Variants in UNC13C observed in about 807,000 individuals in gnomAD.
UNC13C encodes protein unc-13 homolog C.
Under a neutral mutation model 245.4 loss-of-function variants are expected in UNC13C, and 174 were observed. That is an observed-to-expected ratio of 0.71 (90% CI 0.63 to 0.80). The LOEUF is 0.80. Among genes scored for constraint, UNC13C ranks in the 30% least tolerant of loss-of-function variants. The probability of loss-of-function intolerance (pLI) is 0.00; values close to 1 mark genes in which losing one functional copy is unlikely to be tolerated. For synonymous variants in UNC13C, 992 were observed against 895.1 expected, an observed-to-expected ratio of 1.11 and a Z score of -1.93; for missense variants, 2,829 against 2,602.9, an observed-to-expected ratio of 1.09 and a Z score of -1.89.
At chr15:54,172,758 A>ATC (rs2033464551) in intron 4 of UNC13C, among the ~76,000 whole-genome samples, 2 of 98,080 alleles carry the variant, frequency 2.0e-5, no homozygotes, top group African/African-American at 4.6e-5. Context: ...ATATATATAT[A>ATC]TATCTTTACT....
chr15:54,537,734 A>C (rs1346720650), intron 26 of UNC13C, among the ~76,000 whole-genome samples: 2 of 151,574 alleles, frequency 1.3e-5, no homozygotes, highest in Non-Finnish European at 1.5e-5. Flanking sequence ...GCAGGAAGGG[A>C]AAGAACTTCC....
intron 18 of UNC13C, among the ~76,000 whole-genome samples, chr15:54,394,506 A>G (rs1417510579): frequency 6.6e-6 from 1 of 151,780 alleles, no homozygotes; most frequent in Non-Finnish European, 1.5e-5. Context: ...CAGGTCTCTG[A>G]CAGCTTTGTA....
chr15:54,268,665 G>A (rs549884807), intron 10 of UNC13C, among the ~76,000 whole-genome samples: 90 of 152,118 alleles, frequency 5.9e-4, no homozygotes, highest in Non-Finnish European at 9.9e-4. Context: ...CTCAATTTCA[G>A]GCTAATTATT....
At chr15:54,260,782 CTTCT>C (rs1258462601) in intron 8 of UNC13C, among the ~76,000 whole-genome samples, 4 of 148,420 alleles carry the variant, frequency 2.7e-5, no homozygotes, top group African/African-American at 9.8e-5. Flanking sequence ...AATATTCTTC[CTTCT>C]ATTTTTAGAT....
At chr15:54,428,991 T>C (rs2040813481) in intron 19 of UNC13C, among the ~76,000 whole-genome samples, 1 of 151,752 alleles carries the variant, frequency 6.6e-6, no homozygotes, top group East Asian at 1.9e-4. Context: ...TATTGTATAA[T>C]TCCTTAAAGT....
rs139256359 is a variant in UNC13C, at chr15:54,628,412, T to TAA, written c.*1300_*1301dup. 6.6e-6 allele frequency: 1 copy of TAA among 151,794 alleles called. No individual in the cohort carries two copies. The highest frequency in any genetic ancestry group is 2.4e-5 in the African/African-American group (1 of 41,372). 9.4% of individuals were successfully genotyped at this position (151,794 alleles called of 1,614,324 possible). A position where few individuals can be genotyped will look rare whatever the true frequency, so the allele number is the denominator to read the frequency against. On this transcript the variant is annotated 3_prime_UTR_variant, in exon 33 of 33. Transcript: ENST00000260323. ...TTGTGAACAAGCTGATCTAATACGT[T>TAA]AAGTACAGAAGTGCTTAGTATCATG...
the UNC13C span, among the ~76,000 whole-genome samples, chr15:53,901,220 T>C: frequency 9.4e-5 from 1 of 10,626 alleles, no homozygotes; most frequent in East Asian, 0.01. Context: ...ATAGATTTCT[T>C]TTTTTTTTTT....
chr15:54,409,080 A>G (rs150356811), intron 18 of UNC13C, among the ~76,000 whole-genome samples: 6 of 152,272 alleles, frequency 3.9e-5, no homozygotes, highest in Admixed American at 1.3e-4. Context: ...TGAGAAAATC[A>G]ACTTCAACAA....
In UNC13C at chr15:53,983,727, G is replaced by A. The variant is rs188156616; in HGVS notation, c.-257+4800G>A. ...ATACTCTCTTTCTACTTTTTGTCTC[G>A]GTGACCTGAATTTCTTCAGTAGCCT... On this transcript the variant is annotated intron_variant, in intron 1 of 32. Coordinates refer to ENST00000260323, the MANE Select transcript of UNC13C (RefSeq NM_001080534.3). Among the ~76,000 whole-genome samples the A allele has an allele frequency of 5.3e-5, 8 of 151,594 alleles. 1 individual carries two copies. The highest frequency in any genetic ancestry group is 2.0e-4 in the Admixed American group (3 of 15,206).
At chr15:54,205,676 C>T (rs1404874951) in intron 4 of UNC13C, among the ~76,000 whole-genome samples, 6 of 152,002 alleles carry the variant, frequency 3.9e-5, no homozygotes, top group Middle Eastern at 3.2e-3. Flanking sequence ...TACCATGGGA[C>T]TTGATGTTTA....
At position 54,626,938 on chromosome 15, in the gene UNC13C, A is replaced by G; in HGVS notation, c.6470A>G (p.Gln2157Arg). Residue 2157 changes from glutamine (Q) to arginine (R), a missense_variant, in exon 33 of 33, where the codon CAG becomes CGG. Transcript: ENST00000260323. ...ATCGGAATGACAGTCATTCAGCTAC[A>G]GAACATAGCAGAAAAGGGAAGCTAT... ...RIIGMTVIQL[Q>R]NIAEKGSYGA... 3 of 1,613,532 alleles carry G rather than the reference A, an allele frequency of 1.9e-6. No homozygotes were observed. The highest frequency in any genetic ancestry group is 4.5e-5 in the East Asian group (2 of 44,846).
chr15:54,182,098 C>G (rs1194756815), intron 4 of UNC13C, among the ~76,000 whole-genome samples: 1 of 151,988 alleles, frequency 6.6e-6, no homozygotes, highest in African/African-American at 2.4e-5. Flanking sequence ...GAGTGAGCAT[C>G]CTTGTCTTGT....
intron 13 of UNC13C, chr15:54,321,570 G>T: frequency 2.5e-6 from 1 of 399,636 alleles, no homozygotes; most frequent in Non-Finnish European, 4.8e-6. Flanking sequence ...AGTGTTCCCC[G>T]TCACCCCTCA....
chr15:54,386,404 A>C (rs2039838302), intron 17 of UNC13C, among the ~76,000 whole-genome samples: 1 of 152,184 alleles, frequency 6.6e-6, no homozygotes. Flanking sequence ...AAAGCCTTAT[A>C]ATAAAAAACA....
At chr15:54,562,622 G>T (rs919445777) in intron 29 of UNC13C, among the ~76,000 whole-genome samples, 9 of 152,120 alleles carry the variant, frequency 5.9e-5, no homozygotes, top group Admixed American at 2.0e-4. Flanking sequence ...AGAAAAATCT[G>T]CTCTCCTGCT....
chr15:54,384,401 A>C (rs1596310510), intron 17 of UNC13C, among the ~76,000 whole-genome samples: 1 of 152,140 alleles, frequency 6.6e-6, no homozygotes, highest in Admixed American at 6.6e-5. Flanking sequence ...AGGAACATAC[A>C]CTGGGGAAAG....
Position 54,442,250 on chromosome 15 carries a change from C to CTTTT in UNC13C, c.4933+27198_4933+27201dup, listed in dbSNP as rs35414078. Among the ~76,000 whole-genome samples the CTTTT allele has an allele frequency of 1.6e-4, 20 of 127,404 alleles. 1 individual carries two copies. The highest frequency in any genetic ancestry group is 4.7e-4 in the East Asian group (2 of 4,300). 83.6% of individuals were successfully genotyped at this position (127,404 alleles called of 152,430 possible). A position where few individuals can be genotyped will look rare whatever the true frequency, so the allele number is the denominator to read the frequency against. On this transcript the variant is annotated intron_variant, in intron 19 of 32. Coordinates refer to ENST00000260323, the MANE Select transcript of UNC13C (RefSeq NM_001080534.3). ...GCATCTTTCACCACTTGTTCCAGTT[C>CTTTT]TTTTTTTTTTTTTTTTTTGAGACAG...
At chr15:54,020,537 C>T (rs527751303) in intron 2 of UNC13C, among the ~76,000 whole-genome samples, 19 of 151,126 alleles carry the variant, frequency 1.3e-4, no homozygotes, top group African/African-American at 4.6e-4. Flanking sequence ...CCTGCCTTGG[C>T]CTCCCAAAGT....
chr15:54,600,542 A>G (rs562060421), intron 30 of UNC13C, among the ~76,000 whole-genome samples: 111 of 152,188 alleles, frequency 7.3e-4, no homozygotes, highest in African/African-American at 2.6e-3. Context: ...TCCCTATGGT[A>G]CTGACCTATT....
Sources: gnomAD v4.1 joint callset for allele counts (sites outside exome capture counted in the v4.1 genomes callset) on GRCh38, gnomAD v4.1.1 for gene constraint, MANE v1.5 for transcripts, NCBI Gene and HGNC (gene_info 2026-07-23, HGNC 2026-07-21) for gene names.